SLC9A9: variants seen among roughly 807,000 people sequenced by gnomAD.
The protein encoded by SLC9A9 is sodium/hydrogen exchanger 9.
A neutral mutation model predicts 77.8 loss-of-function variants in SLC9A9; 62 were observed. That is an observed-to-expected ratio of 0.80 (90% CI 0.65 to 0.98). The LOEUF is 0.98. Ranked by LOEUF, SLC9A9 falls within the 50% of genes least tolerant of loss-of-function variation. SLC9A9 has a pLI of 0.00. For missense variants in SLC9A9, 775 were observed against 774.9 expected (o/e 1.00, Z 0.00); for synonymous variants, 320 against 283.5 (o/e 1.13, Z -1.29).
intron 4 of SLC9A9, among the ~76,000 whole-genome samples, chr3:143,773,408 T>G (rs890039711): frequency 1.3e-5 from 2 of 152,096 alleles, no homozygotes; most frequent in African/African-American, 4.8e-5. Flanking sequence ...TGGGAAGCTA[T>G]GAGTTTTTAG....
chr3:143,621,468 G>C (rs1400778610), intron 6 of SLC9A9, among the ~76,000 whole-genome samples: 1 of 152,238 alleles, frequency 6.6e-6, no homozygotes, highest in Non-Finnish European at 1.5e-5. Flanking sequence ...AATATCCGCT[G>C]TTCTGCAGCC....
intron 14 of SLC9A9, among the ~76,000 whole-genome samples, chr3:143,272,893 G>T (rs976383039): frequency 6.6e-6 from 1 of 152,180 alleles, no homozygotes; most frequent in Non-Finnish European, 1.5e-5. Flanking sequence ...ATAGCAGTAT[G>T]GTTCAGGAGA....
intron 9 of SLC9A9, among the ~76,000 whole-genome samples, chr3:143,526,955 T>G (rs1307790170): frequency 6.6e-6 from 1 of 152,194 alleles, no homozygotes; most frequent in African/African-American, 2.4e-5. Context: ...TATAGATAAG[T>G]GTGACATTCG....
At chr3:143,720,251 A>AT (rs558001186) in intron 4 of SLC9A9, among the ~76,000 whole-genome samples, 2,475 of 149,434 alleles carry the variant, frequency 0.017, 66 homozygotes, top group African/African-American at 0.059. Flanking sequence ...ATATATATAT[A>AT]TTTTTTTTCA....
At chr3:143,620,233 C>T (rs2038177263) in intron 6 of SLC9A9, among the ~76,000 whole-genome samples, 1 of 152,216 alleles carries the variant, frequency 6.6e-6, no homozygotes, top group Non-Finnish European at 1.5e-5. Context: ...AACTCCTCCA[C>T]TTTCTAGCTG....
At chr3:143,657,457 T>C (rs1484473916) in intron 5 of SLC9A9, among the ~76,000 whole-genome samples, 1 of 152,216 alleles carries the variant, frequency 6.6e-6, no homozygotes, top group Non-Finnish European at 1.5e-5. Flanking sequence ...CAGAGCAATG[T>C]CTTCAAAGTG....
intron 4 of SLC9A9, among the ~76,000 whole-genome samples, chr3:143,763,071 C>T (rs771005625): frequency 8.5e-5 from 13 of 152,142 alleles, no homozygotes; most frequent in African/African-American, 1.2e-4. Flanking sequence ...TCATGACATC[C>T]TGGAGAGTCC....
intron 4 of SLC9A9, among the ~76,000 whole-genome samples, chr3:143,773,710 C>G (rs1244156934): frequency 6.6e-6 from 1 of 152,124 alleles, no homozygotes; most frequent in Non-Finnish European, 1.5e-5. Flanking sequence ...TCTCGAACTC[C>G]TGACTTCAGG....
At chr3:143,423,148 A>AAC (rs1199974343) in intron 12 of SLC9A9, among the ~76,000 whole-genome samples, 2 of 152,012 alleles carry the variant, frequency 1.3e-5, no homozygotes, top group Non-Finnish European at 2.9e-5. Flanking sequence ...AAGGTATTAG[A>AAC]ACACACACAC....
intron 15 of SLC9A9, among the ~76,000 whole-genome samples, chr3:143,268,004 T>C (rs1403212873): frequency 6.6e-6 from 1 of 152,174 alleles, no homozygotes; most frequent in Non-Finnish European, 1.5e-5. Context: ...CCTGAGAGTG[T>C]GCATTTCTAG....
At chr3:143,752,369 G>T (rs1396302756) in intron 4 of SLC9A9, among the ~76,000 whole-genome samples, 3 of 152,196 alleles carry the variant, frequency 2.0e-5, no homozygotes, top group Non-Finnish European at 4.4e-5. Flanking sequence ...CTCCAGATGA[G>T]ACCGTAAGTT....
At chr3:143,689,422 AG>A (rs1933385204) in intron 5 of SLC9A9, among the ~76,000 whole-genome samples, 1 of 152,142 alleles carries the variant, frequency 6.6e-6, no homozygotes, top group Admixed American at 6.6e-5. Flanking sequence ...ATTTTGAGAC[AG>A]GGTCTTGCTC....
intron 14 of SLC9A9, among the ~76,000 whole-genome samples, chr3:143,323,013 A>G (rs1428713916): frequency 6.6e-6 from 1 of 152,210 alleles, no homozygotes; most frequent in Non-Finnish European, 1.5e-5. Flanking sequence ...GAGAAATGCA[A>G]ATCAAAACTA....
At chr3:143,581,194 T>G (rs1047003170) in intron 6 of SLC9A9, among the ~76,000 whole-genome samples, 15 of 152,038 alleles carry the variant, frequency 9.9e-5, no homozygotes, top group Non-Finnish European at 2.1e-4. Flanking sequence ...GAGAGAGTAT[T>G]CCAGGCAGTG....
intron 4 of SLC9A9, among the ~76,000 whole-genome samples, chr3:143,694,961 G>T (rs1398753741): frequency 6.6e-6 from 1 of 152,022 alleles, no homozygotes; most frequent in Non-Finnish European, 1.5e-5. Flanking sequence ...AGAAGGGGAG[G>T]CTGAATCTTA....
chr3:143,644,790 C>T (rs73867700), intron 6 of SLC9A9, among the ~76,000 whole-genome samples: 1 of 151,908 alleles, frequency 6.6e-6, no homozygotes, highest in Non-Finnish European at 1.5e-5. Context: ...TTATGTATCA[C>T]CCCAGTATCT....
At chr3:143,743,193 GGATAGATGGATA>G (rs1935115424) in intron 4 of SLC9A9, among the ~76,000 whole-genome samples, 3 of 150,182 alleles carry the variant, frequency 2.0e-5, no homozygotes, top group Non-Finnish European at 3.0e-5. Context: ...AAGGATGGAT[GGATAGATGGATA>G]GATGGATGGA....
intron 12 of SLC9A9, among the ~76,000 whole-genome samples, chr3:143,414,291 CTA>C (rs1424614391): frequency 6.6e-6 from 1 of 152,146 alleles, no homozygotes; most frequent in African/African-American, 2.4e-5. Context: ...GTCTGCATAT[CTA>C]TGTGTATCTG....
intron 8 of SLC9A9, among the ~76,000 whole-genome samples, chr3:143,563,187 T>G (rs1002861363): frequency 8.5e-5 from 13 of 152,148 alleles, no homozygotes; most frequent in Admixed American, 2.6e-4. Flanking sequence ...GGAAACAGCA[T>G]GAGGAGATCT....
Sources: allele counts gnomAD v4.1 joint callset (sites outside exome capture counted in the v4.1 genomes callset), GRCh38; gene constraint gnomAD v4.1.1; transcripts MANE v1.5; gene names NCBI Gene and HGNC (gene_info 2026-07-23, HGNC 2026-07-21).